SVOPL: variants seen among roughly 807,000 people sequenced by gnomAD.
The protein encoded by SVOPL is SVOP like.
In SVOPL, 60 loss-of-function variants were observed where a neutral mutation model predicts 61.0. The ratio of observed to expected loss-of-function variants is 0.98; its 90% CI spans 0.80 to 1.22. The LOEUF is 1.22. Ranked by LOEUF, SVOPL falls within the 50% of genes most tolerant of loss-of-function variation. SVOPL has a pLI of 0.00. For missense variants in SVOPL, 662 were observed against 643.9 expected (o/e 1.03, Z -0.30); for synonymous variants, 279 against 250.0 (o/e 1.12, Z -1.09).
chr7:138,628,636 C>T (rs1800013465), intron 10 of SVOPL, among the ~76,000 whole-genome samples: 1 of 152,162 alleles, frequency 6.6e-6, no homozygotes, highest in Non-Finnish European at 1.5e-5. Flanking sequence ...TTCAAAGTGG[C>T]TGTACTAATT....
At chr7:138,596,735 A>G in intron 14 of SVOPL, 1 of 1,252,272 alleles carries the variant, frequency 8.0e-7, no homozygotes, top group East Asian at 3.8e-5. Flanking sequence ...AGGAACTGGT[A>G]TTAACACGCA....
intron 14 of SVOPL, chr7:138,596,918 T>C: frequency 9.2e-7 from 1 of 1,087,420 alleles, no homozygotes. Flanking sequence ...CTGCCAAATA[T>C]CCATTATCTC....
At chr7:138,689,522 G>C in intron 1 of SVOPL, 1 of 562,670 alleles carries the variant, frequency 1.8e-6, no homozygotes, top group East Asian at 3.4e-5. Flanking sequence ...TGACACGAGA[G>C]TAAATTCAGC....
In SVOPL at chr7:138,627,347, T is replaced by C. The variant is rs773997531; in HGVS notation, c.1181+3A>G. On this transcript the variant is annotated splice_donor_region_variant and intron_variant, in intron 12 of 15. Coordinates refer to ENST00000674285, the MANE Select transcript of SVOPL (RefSeq NM_001139456.2). ...AAATCTGAAGCAATTAAACAGAAAA[T>C]ACCTTGAAGTGCAAATGTTGAGGAG... is the stretch of plus-strand genomic sequence containing the variant. 5.6e-6 allele frequency: 9 copies of C among 1,607,478 alleles called. No individual in the cohort carries two copies. In the East Asian group the frequency reaches 2.0e-4, roughly 36 times the overall value.
chr7:138,626,357 C>T (rs959121858), intron 12 of SVOPL, among the ~76,000 whole-genome samples: 3 of 152,114 alleles, frequency 2.0e-5, no homozygotes, highest in Admixed American at 6.5e-5. Flanking sequence ...GCAGCTAGAT[C>T]GCTTGAGGCC....
intron 14 of SVOPL, among the ~76,000 whole-genome samples, chr7:138,597,703 A>T (rs1161274572): frequency 4.0e-5 from 6 of 151,418 alleles, no homozygotes; most frequent in Admixed American, 4.0e-4. Context: ...CAAGCTCAGA[A>T]AAGGGATAGA....
At position 138,641,838 on chromosome 7, in the gene SVOPL, T is replaced by TATAAC. The variant is rs1563112249; in HGVS notation, c.789+2878_789+2879insGTTAT. Reference sequence around the variant, plus strand: ...GTTATATATATATATATATATAACATATATATATAACATATATATAGTCAA... The same window carrying TATAAC: ...GTTATATATATATATATATATAACATATAACATATATATAACATATATATAGTCAA... On this transcript the variant is annotated intron_variant, in intron 9 of 15. Transcript: ENST00000674285. 2.1e-4 allele frequency among the ~76,000 whole-genome samples: 28 copies of TATAAC among 132,988 alleles called. No individual in the cohort carries two copies. In the Middle Eastern group the frequency reaches 0.013, roughly 60 times the overall value. The allele number at this position is 132,988 out of a possible 152,430, so 87.2% of individuals were successfully genotyped here. A position where few individuals can be genotyped will look rare whatever the true frequency, so the allele number is the denominator to read the frequency against.
chr7:138,678,178 C>A (rs77063700), intron 3 of SVOPL, among the ~76,000 whole-genome samples: 1 of 151,864 alleles, frequency 6.6e-6, no homozygotes, highest in African/African-American at 2.4e-5. Flanking sequence ...CCTGAAAGTC[C>A]CCCCTCCCCC....
chr7:138,609,008 T>C (rs187053071), intron 14 of SVOPL, among the ~76,000 whole-genome samples: 2 of 152,296 alleles, frequency 1.3e-5, no homozygotes, highest in Admixed American at 6.5e-5. Flanking sequence ...TACAGATCCA[T>C]GCTTTAAAGA....
chr7:138,687,046 T>C (rs1427385449), intron 1 of SVOPL, among the ~76,000 whole-genome samples: 1 of 152,070 alleles, frequency 6.6e-6, no homozygotes, highest in East Asian at 1.9e-4. Flanking sequence ...ACATAGAAAG[T>C]ATGAAAAGTT....
intron 13 of SVOPL, among the ~76,000 whole-genome samples, chr7:138,621,780 TTCTATCTATCTA>T (rs1212023976): frequency 6.6e-5 from 6 of 90,854 alleles, no homozygotes; most frequent in Non-Finnish European, 1.5e-4. Context: ...TAACAGCATA[TTCTATCTATCTA>T]TCTATCTATG....
At chr7:138,631,696 G>A (rs1009132926) in intron 9 of SVOPL, among the ~76,000 whole-genome samples, 6 of 152,144 alleles carry the variant, frequency 3.9e-5, no homozygotes, top group Admixed American at 2.0e-4. Flanking sequence ...GGCTTCCCGA[G>A]TAGCTGGGAG....
intron 14 of SVOPL, among the ~76,000 whole-genome samples, chr7:138,611,901 A>C (rs1480382601): frequency 1.1e-4 from 3 of 26,674 alleles, no homozygotes; most frequent in African/African-American, 1.7e-4. Flanking sequence ...GGTGTGCCCA[A>C]CAGCTCATTG....
chr7:138,693,227 C>G (rs146777101), intron 1 of SVOPL, among the ~76,000 whole-genome samples: 1,803 of 152,052 alleles, frequency 0.012, 37 homozygotes, highest in African/African-American at 0.042. Flanking sequence ...AATTTCTTGC[C>G]AGGTGTGGTG....
chr7:138,602,967 T>G (rs1456668422), intron 14 of SVOPL, among the ~76,000 whole-genome samples: 1 of 152,148 alleles, frequency 6.6e-6, no homozygotes, highest in Non-Finnish European at 1.5e-5. Context: ...GATATACAGA[T>G]ATTCATGGAA....
intron 9 of SVOPL, among the ~76,000 whole-genome samples, chr7:138,632,416 A>T (rs1169545822): frequency 1.3e-5 from 2 of 151,996 alleles, no homozygotes; most frequent in Admixed American, 1.3e-4. Context: ...CCTGGGTGAC[A>T]AGAGCAAGAC....
chr7:138,656,397 A>G (rs1469657695), intron 7 of SVOPL, 51 bp downstream of exon 7: 2 of 1,578,682 alleles, frequency 1.3e-6, no homozygotes, highest in Non-Finnish European at 1.7e-6. Context: ...CTATATGTAC[A>G]TCTTATCCCA....
chr7:138,676,093 C>T (rs1334194927), intron 3 of SVOPL, among the ~76,000 whole-genome samples: 1 of 152,234 alleles, frequency 6.6e-6, no homozygotes, highest in Non-Finnish European at 1.5e-5. Flanking sequence ...GCCTTGACCT[C>T]CCAGTGTGCT....
intron 4 of SVOPL, among the ~76,000 whole-genome samples, chr7:138,670,723 G>A (rs994290438): frequency 1.3e-4 from 20 of 152,088 alleles, no homozygotes; most frequent in Non-Finnish European, 2.9e-5. Flanking sequence ...GTTCTCTATT[G>A]CAATTCCTCC....
Sources: allele counts gnomAD v4.1 joint callset (sites outside exome capture counted in the v4.1 genomes callset), GRCh38; gene constraint gnomAD v4.1.1; transcripts MANE v1.5; gene names NCBI Gene and HGNC (gene_info 2026-07-23, HGNC 2026-07-21).